The following RBL2 variants were observed in gnomAD, a reference collection of about 807,000 sequenced individuals.
RBL2 encodes the protein retinoblastoma-like protein 2.
A neutral mutation model predicts 126.0 loss-of-function variants in RBL2; 56 were observed. That is an observed-to-expected ratio of 0.44 (90% CI 0.36 to 0.56). The LOEUF (loss-of-function observed/expected upper bound fraction) is 0.56, where lower values mean the gene tolerates loss of function less well. Ranked by LOEUF, RBL2 falls within the 20% of genes least tolerant of loss-of-function variation. The probability of loss-of-function intolerance (pLI) is 0.00; values close to 1 mark genes in which losing one functional copy is unlikely to be tolerated. For missense variants in RBL2, 1,229 were observed against 1,398.2 expected, an observed-to-expected ratio of 0.88 and a Z score of 1.93; for synonymous variants, 454 against 478.5, an observed-to-expected ratio of 0.95 and a Z score of 0.67.
chr16:53,440,726 T>A (rs2058006856), intron 2 of RBL2, among the ~76,000 whole-genome samples: 1 of 152,050 alleles, frequency 6.6e-6, no homozygotes, highest in African/African-American at 2.4e-5. Context: ...GCTAATTTTT[T>A]GTATTTTTAG....
intron 17 of RBL2, among the ~76,000 whole-genome samples, chr16:53,475,815 C>G (rs1244115782): frequency 2.1e-5 from 3 of 142,604 alleles, no homozygotes; most frequent in Non-Finnish European, 4.6e-5. Context: ...TTAAAAGATA[C>G]CTTTCTAATA....
intron 4 of RBL2, among the ~76,000 whole-genome samples, chr16:53,450,445 A>C (rs1171367159): frequency 2.6e-5 from 4 of 152,164 alleles, no homozygotes; most frequent in African/African-American, 9.7e-5. Context: ...ATTTAAATTG[A>C]ATTTATCTGA....
In RBL2 at chr16:53,490,812, A is replaced by G. The variant is rs891920278; in HGVS notation, c.*512A>G. 5 of 152,660 alleles carry G rather than the reference A, an allele frequency of 3.3e-5. No individual in the cohort carries two copies. Among genetic ancestry groups the G allele is most frequent in the African/African-American group, 1.2e-4 (5 of 41,446 alleles). The allele number at this position is 152,660 out of a possible 1,614,324, so 9.5% of individuals were successfully genotyped here. On this transcript the variant is annotated 3_prime_UTR_variant, in exon 22 of 22. Coordinates refer to ENST00000262133, the MANE Select transcript of RBL2 (RefSeq NM_005611.4). ...CACCCAGGTTTGGAGGTCCTAGGTC[A>G]TTAGCCCTCGTCTCCCGTTCCCTTT...
intron 17 of RBL2, among the ~76,000 whole-genome samples, chr16:53,478,146 GA>G (rs1960799958): frequency 6.6e-6 from 1 of 151,990 alleles, no homozygotes; most frequent in Non-Finnish European, 1.5e-5. Flanking sequence ...TCATCACTTT[GA>G]ATGTTATCCC....
At chr16:53,479,685 G>A in intron 18 of RBL2, 1 of 524,300 alleles carries the variant, frequency 1.9e-6, no homozygotes, top group South Asian at 2.5e-5. Context: ...ACTGCAGGTA[G>A]TACTTGGCAT....
chr16:53,460,284 G>A (rs1205531021), intron 9 of RBL2, among the ~76,000 whole-genome samples: 1 of 152,134 alleles, frequency 6.6e-6, no homozygotes, highest in Non-Finnish European at 1.5e-5. Context: ...TGATAACGTA[G>A]ACCCAAAAGG....
intron 18 of RBL2, 51 bp from the exon 19 acceptor site, chr16:53,479,835 G>T: frequency 7.9e-7 from 1 of 1,257,914 alleles, no homozygotes; most frequent in Non-Finnish European, 1.1e-6. Flanking sequence ...ATCACCAAGG[G>T]TGTGCTCAAC....
chr16:53,437,404 T>C (rs754352742), intron 1 of RBL2, among the ~76,000 whole-genome samples: 2 of 152,112 alleles, frequency 1.3e-5, no homozygotes, highest in Non-Finnish European at 2.9e-5. Context: ...AGGAAGAATT[T>C]CCAGTTCTTC....
In RBL2 at chr16:53,459,434, A is replaced by ATT; in HGVS notation, c.1180-8_1180-7dup. 5 of 1,527,384 alleles carry ATT rather than the reference A, an allele frequency of 3.3e-6. No individual in the cohort carries two copies. The highest frequency in any genetic ancestry group is 4.5e-6 in the Non-Finnish European group (5 of 1,118,700). 94.6% of individuals were successfully genotyped at this position (1,527,384 alleles called of 1,614,324 possible). ...AAAAAATGTTTATTAATTCTGTGTA[A>ATT]TTTTTTTTTTCTTTAGTCCAAAGCA... On this transcript the variant is annotated splice_polypyrimidine_tract_variant and intron_variant, in intron 8 of 21. Coordinates refer to ENST00000262133, the MANE Select transcript of RBL2 (RefSeq NM_005611.4).
intron 14 of RBL2, among the ~76,000 whole-genome samples, chr16:53,469,001 G>A (rs2058295378): frequency 1.3e-5 from 2 of 152,146 alleles, no homozygotes; most frequent in African/African-American, 2.4e-5. Flanking sequence ...AGGCCAAGGC[G>A]GGTGGATCAC....
Position 53,448,478 on chromosome 16 carries a change from TTTTTTA to T in RBL2, c.637+1390_637+1395del, listed in dbSNP as rs1351012419. Among the ~76,000 whole-genome samples, 14 of 150,452 alleles carry T rather than the reference TTTTTTA, an allele frequency of 9.3e-5. 1 individual carries two copies. Among genetic ancestry groups the T allele is most frequent in the Admixed American group, 5.3e-4 (8 of 15,116 alleles). ...GGCCTAGCTTAACTCATTTACTTTATTTTTTATTTTTATTTTTATTTTTGAGACAGG... is the reference window on the plus strand; with the variant it reads ...GGCCTAGCTTAACTCATTTACTTTATTTTTTATTTTTATTTTTGAGACAGG... On this transcript the variant is annotated intron_variant, in intron 4 of 21. Coordinates refer to ENST00000262133, the MANE Select transcript of RBL2 (RefSeq NM_005611.4).
chr16:53,461,701 A>G, intron 9 of RBL2, 40 bp from the exon 10 acceptor site: 1 of 1,427,536 alleles, frequency 7.0e-7, no homozygotes, highest in Non-Finnish European at 9.5e-7. Flanking sequence ...GTGACTTGAC[A>G]AGACCTTTAA....
At chr16:53,453,176 A>G (rs2058131860) in intron 5 of RBL2, among the ~76,000 whole-genome samples, 1 of 152,184 alleles carries the variant, frequency 6.6e-6, no homozygotes, top group African/African-American at 2.4e-5. Flanking sequence ...TTAGTATCCT[A>G]AAATTTGATA....
intron 1 of RBL2, 151 bp downstream of exon 1, chr16:53,434,947 C>A: frequency 8.0e-7 from 1 of 1,249,242 alleles, no homozygotes; most frequent in South Asian, 1.9e-5. Flanking sequence ...TTCCGAGGCT[C>A]TTAGCCGCTC....
intron 17 of RBL2, among the ~76,000 whole-genome samples, chr16:53,477,281 G>T (rs190355194): frequency 6.6e-6 from 1 of 152,200 alleles, no homozygotes; most frequent in African/African-American, 2.4e-5. Flanking sequence ...GGAAAGGAGT[G>T]TAAGTATGTA....
chr16:53,481,966 C>A, intron 21 of RBL2, 131 bp downstream of exon 21: 2 of 1,049,618 alleles, frequency 1.9e-6, no homozygotes, highest in South Asian at 1.5e-5. Flanking sequence ...AGTCAGTCCT[C>A]ATGAAGCAAA....
intron 21 of RBL2, among the ~76,000 whole-genome samples, chr16:53,487,292 T>G (rs1057474794): frequency 2.6e-5 from 4 of 152,150 alleles, no homozygotes; most frequent in Admixed American, 1.3e-4. Flanking sequence ...ACACAAAATA[T>G]CTGTATTATA....
chr16:53,484,544 T>G (rs1367390950), intron 21 of RBL2, among the ~76,000 whole-genome samples: 1 of 152,188 alleles, frequency 6.6e-6, no homozygotes, highest in African/African-American at 2.4e-5. Flanking sequence ...ACAATATGAA[T>G]GGACCTTGAA....
At chr16:53,457,709 A>G in intron 8 of RBL2, among the ~76,000 whole-genome samples, 1 of 152,236 alleles carries the variant, frequency 6.6e-6, no homozygotes. Context: ...TTTTTAAGAT[A>G]CCGACTTAAT....
Sources: allele counts gnomAD v4.1 joint callset (sites outside exome capture counted in the v4.1 genomes callset), GRCh38; gene constraint gnomAD v4.1.1; transcripts MANE v1.5; gene names NCBI Gene and HGNC (gene_info 2026-07-23, HGNC 2026-07-21).